Variants in PTPRD observed in about 807,000 individuals in gnomAD.
The protein encoded by PTPRD is receptor-type tyrosine-protein phosphatase delta.
Under a neutral mutation model 214.5 loss-of-function variants are expected in PTPRD, and 34 were observed. The observed-to-expected ratio is 0.16, with a 90% confidence interval of 0.12 to 0.21. The LOEUF (loss-of-function observed/expected upper bound fraction) is 0.21, where lower values mean the gene tolerates loss of function less well. PTPRD is among the 10% of genes least tolerant of loss of function. The probability of loss-of-function intolerance (pLI) is 1.00; values close to 1 mark genes in which losing one functional copy is unlikely to be tolerated. For missense variants in PTPRD, 2,545 were observed against 2,398.7 expected, an observed-to-expected ratio of 1.06 and a Z score of -1.27; for synonymous variants, 1,128 against 845.7, an observed-to-expected ratio of 1.33 and a Z score of -5.79.
chr9:8,795,732 G>T (rs1259444221), intron 11 of PTPRD, among the ~76,000 whole-genome samples: 1 of 152,090 alleles, frequency 6.6e-6, no homozygotes, highest in Non-Finnish European at 1.5e-5. Context: ...TTATTACAAA[G>T]TCTTATTTAT....
intron 10 of PTPRD, among the ~76,000 whole-genome samples, chr9:9,138,758 T>A (rs1390661014): frequency 2.0e-5 from 3 of 152,158 alleles, no homozygotes; most frequent in African/African-American, 7.2e-5. Flanking sequence ...TAACACAGAG[T>A]TGTTTATCTA....
At chr9:8,747,282 G>C (rs1349352349) in intron 11 of PTPRD, among the ~76,000 whole-genome samples, 2 of 152,006 alleles carry the variant, frequency 1.3e-5, no homozygotes, top group Non-Finnish European at 2.9e-5. Flanking sequence ...ACTAGAATTA[G>C]GAAAAGGAAA....
intron 14 of PTPRD, among the ~76,000 whole-genome samples, chr9:8,557,445 T>A (rs1303896506): frequency 2.3e-5 from 3 of 127,824 alleles, no homozygotes; most frequent in Admixed American, 7.1e-5. Flanking sequence ...CATATATATA[T>A]ATATATATAT....
At chr9:9,799,844 G>A (rs1244713816) in intron 5 of PTPRD, among the ~76,000 whole-genome samples, 1 of 152,162 alleles carries the variant, frequency 6.6e-6, no homozygotes, top group African/African-American at 2.4e-5. Context: ...TAGACTGAGA[G>A]AGACTAGGTG....
chr9:9,008,651 G>C (rs1194039787), intron 11 of PTPRD, among the ~76,000 whole-genome samples: 3 of 152,150 alleles, frequency 2.0e-5, no homozygotes, highest in Admixed American at 2.0e-4. Context: ...AAGAAAGGAA[G>C]TGTGAAGAAA....
chr9:9,407,505 T>G (rs970138033), intron 8 of PTPRD, among the ~76,000 whole-genome samples: 1 of 151,832 alleles, frequency 6.6e-6, no homozygotes, highest in African/African-American at 2.4e-5. Flanking sequence ...TGGATACCTC[T>G]GAATAATAGG....
chr9:9,138,626 G>A (rs2099854866), intron 10 of PTPRD, among the ~76,000 whole-genome samples: 1 of 152,080 alleles, frequency 6.6e-6, no homozygotes, highest in African/African-American at 2.4e-5. Flanking sequence ...GTGTTTGTGT[G>A]GGGAGGGAAT....
At chr9:8,646,069 A>AAAG (rs563704993) in intron 12 of PTPRD, among the ~76,000 whole-genome samples, 18 of 151,940 alleles carry the variant, frequency 1.2e-4, no homozygotes, top group Non-Finnish European at 2.2e-4. Context: ...AAGAAAAAAA[A>AAAG]AAAAAATGAA....
chr9:8,430,075 G>T (rs1300922887), intron 35 of PTPRD, among the ~76,000 whole-genome samples: 3 of 152,010 alleles, frequency 2.0e-5, no homozygotes, highest in African/African-American at 4.8e-5. Context: ...TACTTAAAAA[G>T]GGGTTATTAT....
chr9:8,411,505 T>C (rs1403820065), intron 35 of PTPRD, among the ~76,000 whole-genome samples: 1 of 152,150 alleles, frequency 6.6e-6, no homozygotes, highest in Non-Finnish European at 1.5e-5. Context: ...GGTTTCGCCA[T>C]GTTGGCCAGG....
chr9:8,873,442 A>G lies in PTPRD; in HGVS notation c.-103-139496T>C, dbSNP rs112320195. On this transcript the variant is annotated intron_variant, in intron 11 of 45. Coordinates refer to ENST00000381196, the MANE Select transcript of PTPRD (RefSeq NM_002839.4). ...CAAGGGTAGGGATTGAAGAGGATTG[A>G]TTTCCCGTATACCCCTAGTTTCTAG... 2.3e-3 allele frequency among the ~76,000 whole-genome samples: 350 copies of G among 152,272 alleles called. 5 individuals are homozygous for G. The highest frequency in any genetic ancestry group is 7.5e-3 in the African/African-American group (313 of 41,548).
At chr9:9,550,460 T>C (rs543473185) in intron 8 of PTPRD, among the ~76,000 whole-genome samples, 140 of 148,318 alleles carry the variant, frequency 9.4e-4, no homozygotes, top group African/African-American at 3.3e-3. Context: ...GTATTATACG[T>C]AGTATATTAT....
chr9:9,241,162 T>A (rs1430672384), intron 9 of PTPRD, among the ~76,000 whole-genome samples: 1 of 152,168 alleles, frequency 6.6e-6, no homozygotes, highest in Non-Finnish European at 1.5e-5. Context: ...TTATTTGAAA[T>A]TTTGCTGATT....
At chr9:9,818,405 G>C (rs1457302293) in intron 5 of PTPRD, among the ~76,000 whole-genome samples, 2 of 152,060 alleles carry the variant, frequency 1.3e-5, no homozygotes, top group Non-Finnish European at 2.9e-5. Context: ...ACAAGTAAGG[G>C]AATACAACTC....
intron 9 of PTPRD, among the ~76,000 whole-genome samples, chr9:9,345,608 C>T (rs1001158486): frequency 2.0e-5 from 3 of 151,998 alleles, no homozygotes; most frequent in African/African-American, 4.8e-5. Flanking sequence ...TATAACTCCC[C>T]CAAGGTCATC....
chr9:9,146,266 A>T (rs749899034), intron 10 of PTPRD, among the ~76,000 whole-genome samples: 38 of 151,510 alleles, frequency 2.5e-4, no homozygotes, highest in African/African-American at 7.6e-4. Context: ...TTTTTTTTTT[A>T]AATTTAATTC....
chr9:9,561,006 G>T (rs1264190133), intron 8 of PTPRD, among the ~76,000 whole-genome samples: 1 of 151,976 alleles, frequency 6.6e-6, no homozygotes, highest in African/African-American at 2.4e-5. Flanking sequence ...TGGGTGCCAT[G>T]TGCCTGCCAT....
chr9:10,066,507 TTAG>T (rs1377216130), intron 3 of PTPRD, among the ~76,000 whole-genome samples: 2 of 151,936 alleles, frequency 1.3e-5, no homozygotes, highest in Admixed American at 6.6e-5. Flanking sequence ...TGTATGACAC[TTAG>T]TAGCTCTTTT....
intron 30 of PTPRD, among the ~76,000 whole-genome samples, chr9:8,474,800 T>C (rs999287315): frequency 1.3e-5 from 2 of 152,174 alleles, no homozygotes; most frequent in East Asian, 1.9e-4. Flanking sequence ...TACAAGTCTA[T>C]CTAGATCTGT....
Sources: allele counts gnomAD v4.1 joint callset (sites outside exome capture counted in the v4.1 genomes callset), GRCh38; gene constraint gnomAD v4.1.1; transcripts MANE v1.5; gene names NCBI Gene and HGNC (gene_info 2026-07-23, HGNC 2026-07-21).